Variants in TLN2 observed in about 807,000 individuals in gnomAD.
TLN2 encodes talin 2.
A neutral mutation model predicts 294.7 loss-of-function variants in TLN2; 118 were observed. The ratio of observed to expected loss-of-function variants is 0.40; its 90% CI spans 0.34 to 0.47. The LOEUF (loss-of-function observed/expected upper bound fraction) is 0.47. TLN2 is among the 20% of genes least tolerant of loss of function. The pLI is 0.84. For missense variants in TLN2, 3,083 were observed against 3,282.2 expected, an observed-to-expected ratio of 0.94 and a Z score of 1.48; for synonymous variants, 1,431 against 1,304.5, an observed-to-expected ratio of 1.10 and a Z score of -2.09.
Position 62,781,133 on chromosome 15 carries a change from T to C in TLN2, c.5515-7T>C. 2 of 1,611,606 alleles carry C rather than the reference T, an allele frequency of 1.2e-6. No homozygotes were observed. The highest frequency in any genetic ancestry group is 1.7e-6 in the Non-Finnish European group (2 of 1,177,742). ...TGACCTTTGGATTCTTTTCCTCTCC[T>C]CTGTAGCTGGATGAAGGCACTCCTC... is the stretch of plus-strand genomic sequence containing the variant. On this transcript the variant is annotated splice_polypyrimidine_tract_variant and splice_region_variant and intron_variant, in intron 43 of 58. Coordinates refer to ENST00000636159, the MANE Select transcript of TLN2 (RefSeq NM_015059.3).
At chr15:62,822,861 G>C (rs2067694227) in intron 54 of TLN2, among the ~76,000 whole-genome samples, 1 of 152,158 alleles carries the variant, frequency 6.6e-6, no homozygotes, top group African/African-American at 2.4e-5. Flanking sequence ...AAAATAAGTA[G>C]GGAATGTACA....
chr15:62,743,709 C>T (rs1398243756), intron 32 of TLN2, among the ~76,000 whole-genome samples: 1 of 152,138 alleles, frequency 6.6e-6, no homozygotes, highest in East Asian at 1.9e-4. Context: ...AGCTAGCTTG[C>T]AGTTGCCAAA....
At chr15:62,653,096 C>T in intron 6 of TLN2, 66 bp from the exon 7 acceptor site, 3 of 1,364,694 alleles carry the variant, frequency 2.2e-6, no homozygotes, top group Non-Finnish European at 9.8e-7. Context: ...TATCACAGGC[C>T]TTAGGCTGGA....
chr15:62,663,804 A>T (rs1452852410), intron 9 of TLN2, among the ~76,000 whole-genome samples: 1 of 152,024 alleles, frequency 6.6e-6, no homozygotes, highest in East Asian at 1.9e-4. Flanking sequence ...TGTTATTGCT[A>T]TGTTAATGGG....
chr15:62,831,919 C>G (rs2068887384), intron 54 of TLN2: 1 of 152,196 alleles, frequency 6.6e-6, no homozygotes, highest in Non-Finnish European at 1.5e-5. Context: ...CTGGCACAAA[C>G]CGTTTCTCAC....
intron 45 of TLN2, among the ~76,000 whole-genome samples, chr15:62,789,558 T>C (rs1320366906): frequency 2.6e-5 from 4 of 152,160 alleles, no homozygotes; most frequent in South Asian, 2.1e-4. Flanking sequence ...AAAAGTGTTG[T>C]TGAGGATGTG....
At position 62,739,378 on chromosome 15, in the gene TLN2, G is replaced by A. The variant is rs763123793; in HGVS notation, c.3718G>A (p.Ala1240Thr). 1.2e-6 allele frequency: 2 copies of A among 1,613,984 alleles called. No individual in the cohort carries two copies. The highest frequency in any genetic ancestry group is 2.2e-5 in the South Asian group (2 of 91,034). Residue 1240 changes from alanine (A) to threonine (T), a missense_variant, in exon 31 of 59, where the codon GCC becomes ACC. Coordinates refer to ENST00000636159, the MANE Select transcript of TLN2 (RefSeq NM_015059.3). The part of the protein sequence containing the change: ...LPPSTKPFQE[A>T]QSELNQAAAD... ...TCCAAGCACGAAGCCTTTCCAGGAA[G>A]CCCAGAGTGAACTGAACCAGGCAGC...
At chr15:62,423,345 C>G (rs752191662) in intron 1 of TLN2, among the ~76,000 whole-genome samples, 1 of 152,092 alleles carries the variant, frequency 6.6e-6, no homozygotes. Flanking sequence ...TACTCCAGCC[C>G]AGGTGATAGA....
chr15:62,414,197 G>C (rs2033955025), intron 1 of TLN2, among the ~76,000 whole-genome samples: 1 of 89,030 alleles, frequency 1.1e-5, no homozygotes, highest in South Asian at 6.1e-4. Flanking sequence ...TATATAATTT[G>C]AGAAATTAAA....
intron 1 of TLN2, among the ~76,000 whole-genome samples, chr15:62,434,316 A>T (rs1371543401): frequency 2.0e-5 from 3 of 152,210 alleles, no homozygotes; most frequent in African/African-American, 7.2e-5. Context: ...AAAAAAAGTT[A>T]ACATTGTAAG....
At chr15:62,437,832 C>G (rs922782992) in intron 1 of TLN2, among the ~76,000 whole-genome samples, 1 of 151,926 alleles carries the variant, frequency 6.6e-6, no homozygotes, top group African/African-American at 2.4e-5. Context: ...TATATTTTCC[C>G]CTTGAAATGA....
chr15:62,460,485 A>T (rs2036737318), intron 1 of TLN2, among the ~76,000 whole-genome samples: 1 of 151,780 alleles, frequency 6.6e-6, no homozygotes, highest in African/African-American at 2.4e-5. Context: ...CTGGTCTCAA[A>T]CTCCCAACCT....
rs1041980327 is a variant in TLN2, at chr15:62,766,434, C to T, written c.5196+12C>T. ...AGCTGGGACATAAGGTAATGCACAC[C>T]GAGGGGATCCTGCGAGGGTGTGCGT... is the stretch of plus-strand genomic sequence containing the variant. On this transcript the variant is annotated intron_variant, in intron 41 of 58. Transcript: ENST00000636159. 8 of 1,597,836 alleles carry T rather than the reference C, an allele frequency of 5.0e-6. No homozygotes were observed. Among genetic ancestry groups the T allele is most frequent in the East Asian group, 2.3e-5 (1 of 44,380 alleles).
At chr15:62,802,167 G>A (rs545398514) in intron 50 of TLN2, among the ~76,000 whole-genome samples, 1 of 150,458 alleles carries the variant, frequency 6.6e-6, no homozygotes, top group South Asian at 2.1e-4. Context: ...CTATCTCCAT[G>A]AGTTCAATTA....
Position 62,669,305 on chromosome 15 carries a change from T to C in TLN2, c.789-4522T>C, listed in dbSNP as rs116609221. 5.7e-3 allele frequency among the ~76,000 whole-genome samples: 865 copies of C among 152,250 alleles called. 5 individuals are homozygous for C. The highest frequency in any genetic ancestry group is 0.017 in the African/African-American group (721 of 41,550). ...GTGCTCTCCAGCCAGCTGCAACAAATTGGAGAACAAATACAGTGGACTTGA... is the reference window on the plus strand; with the variant it reads ...GTGCTCTCCAGCCAGCTGCAACAAACTGGAGAACAAATACAGTGGACTTGA... On this transcript the variant is annotated intron_variant, in intron 9 of 58. Transcript: ENST00000636159.
At chr15:62,445,689 G>A (rs149142081) in intron 1 of TLN2, among the ~76,000 whole-genome samples, 492 of 152,018 alleles carry the variant, frequency 3.2e-3, no homozygotes, top group African/African-American at 0.011. Flanking sequence ...GGGGAGACAG[G>A]GTCTTGCTCT....
At chr15:62,519,494 A>G (rs1316326911) in intron 1 of TLN2, among the ~76,000 whole-genome samples, 1 of 152,216 alleles carries the variant, frequency 6.6e-6, no homozygotes. Context: ...TGATGATAGC[A>G]TATTAAATAA....
At chr15:62,694,602 A>G (rs1192438166) in intron 14 of TLN2, among the ~76,000 whole-genome samples, 5 of 152,216 alleles carry the variant, frequency 3.3e-5, no homozygotes, top group African/African-American at 1.2e-4. Flanking sequence ...TTAGGGAAAC[A>G]TTGACCAAGG....
At chr15:62,688,949 C>A (rs566180327) in intron 12 of TLN2, among the ~76,000 whole-genome samples, 75 of 151,736 alleles carry the variant, frequency 4.9e-4, no homozygotes, top group African/African-American at 1.7e-3. Flanking sequence ...TTTTTTTAAT[C>A]CATTCTATCT....
Sources: allele counts gnomAD v4.1 joint callset (sites outside exome capture counted in the v4.1 genomes callset), GRCh38; gene constraint gnomAD v4.1.1; transcripts MANE v1.5; gene names NCBI Gene and HGNC (gene_info 2026-07-23, HGNC 2026-07-21).